Variants in EVC2 observed in about 807,000 individuals in gnomAD.
The protein encoded by EVC2 is limbin.
EVC2 carries 148 observed loss-of-function variants against 149.3 expected under a neutral mutation model. That is an observed-to-expected ratio of 0.99 (90% CI 0.87 to 1.14). The LOEUF (loss-of-function observed/expected upper bound fraction) is 1.14. Among genes scored for constraint, EVC2 ranks in the 50% most tolerant of loss-of-function variants. EVC2 has a pLI of 0.00. For synonymous variants in EVC2, 776 were observed against 649.9 expected, an observed-to-expected ratio of 1.19 and a Z score of -2.95; for missense variants, 1,854 against 1,627.3, an observed-to-expected ratio of 1.14 and a Z score of -2.40.
chr4:5,616,475 G>A (rs1452349175), intron 15 of EVC2, among the ~76,000 whole-genome samples: 2 of 152,208 alleles, frequency 1.3e-5, no homozygotes, highest in Non-Finnish European at 2.9e-5. Context: ...GAAGTATGTG[G>A]TGAAGAAATG....
At chr4:5,575,973 A>G (rs1722898413) in intron 18 of EVC2, among the ~76,000 whole-genome samples, 1 of 152,244 alleles carries the variant, frequency 6.6e-6, no homozygotes, top group African/African-American at 2.4e-5. Flanking sequence ...CTACCTTTGC[A>G]ACTTCTTGTG....
chr4:5,674,081 C>A (rs577262020), intron 7 of EVC2, among the ~76,000 whole-genome samples: 1 of 140,774 alleles, frequency 7.1e-6, no homozygotes, highest in East Asian at 2.2e-4. Context: ...TACTTGAAAT[C>A]TTTTACTTTG....
intron 10 of EVC2, among the ~76,000 whole-genome samples, chr4:5,634,870 C>T (rs963474341): frequency 6.6e-5 from 10 of 152,026 alleles, no homozygotes; most frequent in African/African-American, 2.4e-4. Flanking sequence ...GGGCAAAGTG[C>T]AAAGAGCACG....
intron 10 of EVC2, 136 bp from the exon 11 acceptor site, chr4:5,632,168 T>C: frequency 8.6e-7 from 1 of 1,164,106 alleles, no homozygotes; most frequent in Non-Finnish European, 1.2e-6. Flanking sequence ...ACATATGCAT[T>C]ACAATATATA....
rs1340970848 is a variant in EVC2, at chr4:5,670,438, ATC to A, written c.871-4791_871-4790del. 6.6e-6 allele frequency among the ~76,000 whole-genome samples: 1 copy of A among 151,794 alleles called. No individual in the cohort carries two copies. The highest frequency in any genetic ancestry group is 2.4e-5 in the African/African-American group (1 of 41,290). Reference sequence around the variant, plus strand: ...TACCATCACCATCAACACCATTATGATCAATATCAGCAGGATCACCATCAAAT... The same window carrying A: ...TACCATCACCATCAACACCATTATGAAATATCAGCAGGATCACCATCAAAT... On this transcript the variant is annotated intron_variant, in intron 7 of 21. Coordinates refer to ENST00000344408, the MANE Select transcript of EVC2 (RefSeq NM_147127.5). This position sits in a 1 kb window ranked among gnomAD's most constrained non-coding sequence, Gnocchi z 5.2.
intron 17 of EVC2, among the ~76,000 whole-genome samples, chr4:5,580,689 T>C (rs1480514797): frequency 2.6e-5 from 4 of 152,214 alleles, no homozygotes; most frequent in Admixed American, 1.3e-4. Context: ...TCACCTCCAG[T>C]GTAACACTTG....
At chr4:5,619,448 T>C (rs956117392) in intron 14 of EVC2, among the ~76,000 whole-genome samples, 13 of 152,064 alleles carry the variant, frequency 8.5e-5, no homozygotes, top group African/African-American at 2.9e-4. Context: ...AGCCAATGAA[T>C]GCCAAGGATT....
In EVC2 at chr4:5,631,785, T is replaced by C; in HGVS notation, c.1710+8A>G. The stretch of plus-strand genomic sequence containing the variant: ...TACTTTTCCATCACAGCGAGGCTGA[T>C]GTATTACCTGTATTTTAGAATAATT... On this transcript the variant is annotated splice_region_variant and intron_variant, in intron 11 of 21. Coordinates refer to ENST00000344408, the MANE Select transcript of EVC2 (RefSeq NM_147127.5). 8 of 1,613,432 alleles carry C rather than the reference T, an allele frequency of 5.0e-6. No individual in the cohort carries two copies. Among genetic ancestry groups the C allele is most frequent in the East Asian group, 2.2e-5 (1 of 44,870 alleles).
rs1720065368 is a variant in EVC2 at position 5,677,436 on chromosome 4, T to G, written c.870+3824A>C. On this transcript the variant is annotated intron_variant, in intron 7 of 21. Transcript: ENST00000344408. The surrounding 1 kb of genome is among the most constrained non-coding windows in gnomAD (Gnocchi z 4.3). ...GTCCACAGCCTGGGGGCGCCTGTCC[T>G]GGGGGCTGGTGTGGCTGAAATCCAG... Among the ~76,000 whole-genome samples, 1 of 152,190 alleles carries G rather than the reference T, an allele frequency of 6.6e-6. No individual in the cohort carries two copies. Among genetic ancestry groups the G allele is most frequent in the South Asian group, 2.1e-4 (1 of 4,832 alleles).
At chr4:5,674,984 T>C (rs1577237674) in intron 7 of EVC2, among the ~76,000 whole-genome samples, 1 of 152,130 alleles carries the variant, frequency 6.6e-6, no homozygotes, top group Non-Finnish European at 1.5e-5. Flanking sequence ...CCCCCAGGCA[T>C]ACAAATGCAA....
intron 16 of EVC2, among the ~76,000 whole-genome samples, chr4:5,604,023 C>T (rs1436546365): frequency 2.0e-5 from 3 of 152,174 alleles, no homozygotes; most frequent in African/African-American, 7.2e-5. Flanking sequence ...CATGTACCAG[C>T]TTTGTGACCT....
At chr4:5,545,287 A>G (rs1721593217) in intron 21 of EVC2, among the ~76,000 whole-genome samples, 1 of 152,216 alleles carries the variant, frequency 6.6e-6, no homozygotes, top group African/African-American at 2.4e-5. Flanking sequence ...GAATAAATAG[A>G]TAATGATTCC....
rs75665419 is a variant in EVC2, at chr4:5,612,557, A to T, written c.2829+2865T>A. The stretch of plus-strand genomic sequence containing the variant: ...GAAGAGGGAACAAACAGGAAAGAGT[A>T]GGGAGCCTGCTGCATGTATCTATGC... On this transcript the variant is annotated intron_variant, in intron 16 of 21. Coordinates refer to ENST00000344408, the MANE Select transcript of EVC2 (RefSeq NM_147127.5). Among the ~76,000 whole-genome samples, 1,297 of 152,292 alleles carry T rather than the reference A, an allele frequency of 8.5e-3. 16 individuals carry two copies. The highest frequency in any genetic ancestry group is 0.029 in the African/African-American group (1,220 of 41,548).
chr4:5,628,990 C>A (rs868615241), intron 11 of EVC2, among the ~76,000 whole-genome samples: 2 of 152,134 alleles, frequency 1.3e-5, no homozygotes, highest in African/African-American at 4.8e-5. Context: ...CACTGCCCTA[C>A]GGAACATAAA....
intron 7 of EVC2, among the ~76,000 whole-genome samples, chr4:5,678,966 G>C (rs1444533711): frequency 6.6e-6 from 1 of 152,012 alleles, no homozygotes; most frequent in Non-Finnish European, 1.5e-5. Context: ...GGGAGGCAGA[G>C]GTTGCAGTGA....
At chr4:5,662,023 T>C (rs1718908692) in intron 9 of EVC2, among the ~76,000 whole-genome samples, 1 of 152,220 alleles carries the variant, frequency 6.6e-6, no homozygotes, top group Non-Finnish European at 1.5e-5. Flanking sequence ...TAAGAAGAAC[T>C]GAATTCAGTT....
chr4:5,703,035 T>C (rs1023512983), intron 1 of EVC2, among the ~76,000 whole-genome samples: 1 of 152,234 alleles, frequency 6.6e-6, no homozygotes, highest in Non-Finnish European at 1.5e-5. Context: ...TGTATTGCCA[T>C]TCAGTAAGTC....
chr4:5,649,290 T>G (rs73198191), intron 9 of EVC2, among the ~76,000 whole-genome samples: 2 of 152,062 alleles, frequency 1.3e-5, no homozygotes, highest in African/African-American at 2.4e-5. Flanking sequence ...TTGCTACATA[T>G]GCAAACTGTA....
rs201976380 is a variant in EVC2 at position 5,632,072 on chromosome 4, T to C, written c.1471-40A>G. 3,182 of 1,611,780 alleles carry C rather than the reference T, an allele frequency of 2.0e-3. 6 individuals are homozygous for C. Among genetic ancestry groups the C allele is most frequent in the Non-Finnish European group, 2.3e-3 (2,752 of 1,179,574 alleles). On this transcript the variant is annotated intron_variant, in intron 10 of 21. Coordinates refer to ENST00000344408, the MANE Select transcript of EVC2 (RefSeq NM_147127.5). Reference sequence around the variant, plus strand: ...GGGAGAGCGTGAGAAACTGACACACTGAACATGCACCTACATGTGCATGCA... The same window carrying C: ...GGGAGAGCGTGAGAAACTGACACACCGAACATGCACCTACATGTGCATGCA...
Sources: allele counts gnomAD v4.1 joint callset (sites outside exome capture counted in the v4.1 genomes callset), GRCh38; gene constraint gnomAD v4.1.1; non-coding constraint Gnocchi (gnomAD v3.1); transcripts MANE v1.5; gene names NCBI Gene and HGNC (gene_info 2026-07-23, HGNC 2026-07-21).